The following PTPRO variants were observed in gnomAD, a reference collection of about 807,000 sequenced individuals.
PTPRO encodes the protein receptor-type tyrosine-protein phosphatase O.
In PTPRO, 62 loss-of-function variants were observed where a neutral mutation model predicts 145.2. The ratio of observed to expected loss-of-function variants is 0.43; its 90% CI spans 0.35 to 0.53. The LOEUF (loss-of-function observed/expected upper bound fraction) is 0.53. Ranked by LOEUF, PTPRO falls within the 20% of genes least tolerant of loss-of-function variation. The probability of loss-of-function intolerance (pLI) is 0.01; values close to 1 mark genes in which losing one functional copy is unlikely to be tolerated. For missense variants in PTPRO, 1,345 were observed against 1,482.7 expected, an observed-to-expected ratio of 0.91 and a Z score of 1.53; for synonymous variants, 565 against 514.7, an observed-to-expected ratio of 1.10 and a Z score of -1.32.
At position 15,596,276 on chromosome 12, in the gene PTPRO, G is replaced by A. The variant is rs1944657847; in HGVS notation, c.*203G>A. Reference sequence around the variant, plus strand: ...TGTCCTTTTGGACTCTTTCACTTCGGGACATTTAATAATGGACCAAATTCA... The same window carrying A: ...TGTCCTTTTGGACTCTTTCACTTCGAGACATTTAATAATGGACCAAATTCA... On this transcript the variant is annotated 3_prime_UTR_variant, in exon 27 of 27. Coordinates refer to ENST00000281171, the MANE Select transcript of PTPRO (RefSeq NM_030667.3). 1 of 152,536 alleles carries A rather than the reference G, an allele frequency of 6.6e-6. No individual in the cohort carries two copies. Among genetic ancestry groups the A allele is most frequent in the Non-Finnish European group, 1.5e-5 (1 of 68,032 alleles). The allele number at this position is 152,536 out of a possible 1,614,324, so 9.4% of individuals were successfully genotyped here.
chr12:15,485,992 G>C (rs1262597458), intron 2 of PTPRO, among the ~76,000 whole-genome samples: 1 of 152,036 alleles, frequency 6.6e-6, no homozygotes, highest in East Asian at 1.9e-4. Flanking sequence ...GTCCAAATAT[G>C]GTCTTTCTTG....
At chr12:15,556,437 G>A (rs1387406263) in intron 15 of PTPRO, among the ~76,000 whole-genome samples, 1 of 151,284 alleles carries the variant, frequency 6.6e-6, no homozygotes, top group African/African-American at 2.4e-5. Context: ...CCAATGAGCT[G>A]TTATTCATGC....
intron 12 of PTPRO, among the ~76,000 whole-genome samples, chr12:15,537,924 C>A (rs753153784): frequency 6.6e-6 from 1 of 152,150 alleles, no homozygotes; most frequent in Non-Finnish European, 1.5e-5. Flanking sequence ...GAGTGAAGAT[C>A]ATGATAGCCG....
chr12:15,456,744 T>A (rs1050738349), intron 1 of PTPRO, among the ~76,000 whole-genome samples: 1 of 152,196 alleles, frequency 6.6e-6, no homozygotes, highest in Admixed American at 6.5e-5. Context: ...TCCAATGTAC[T>A]GGTATATAAT....
rs1032505447 is a variant in PTPRO, at chr12:15,462,994, T to TAA, written c.76-20979_76-20978dup. Among the ~76,000 whole-genome samples the TAA allele has an allele frequency of 5.3e-5, 8 of 152,294 alleles. No homozygotes were observed. The South Asian group carries it at 6.2e-4, about 12-fold the overall frequency. On this transcript the variant is annotated intron_variant, in intron 1 of 26. Coordinates refer to ENST00000281171, the MANE Select transcript of PTPRO (RefSeq NM_030667.3). Reference sequence around the variant, plus strand: ...ATCATATTGTTATATACTATATATATAACTCATCATATTATTATAAATTAT... The same window carrying TAA: ...ATCATATTGTTATATACTATATATATAAAACTCATCATATTATTATAAATTAT...
At chr12:15,485,172 A>G (rs895981865) in intron 2 of PTPRO, among the ~76,000 whole-genome samples, 9 of 151,860 alleles carry the variant, frequency 5.9e-5, no homozygotes, top group African/African-American at 2.2e-4. Flanking sequence ...GCAAAAACTC[A>G]GAACCAAGCT....
intron 10 of PTPRO, among the ~76,000 whole-genome samples, chr12:15,521,036 A>C (rs12314771): frequency 0.23 from 35,723 of 152,052 alleles, 4,462 homozygotes; most frequent in Admixed American, 0.33. Context: ...AGCAATGAAA[A>C]GGGGAAATTC....
At chr12:15,410,866 G>C (rs1300118362) in intron 1 of PTPRO, 2 of 152,112 alleles carry the variant, frequency 1.3e-5, no homozygotes, top group Non-Finnish European at 2.9e-5. Flanking sequence ...AACAATAATA[G>C]TTTAAATCTT....
At chr12:15,476,411 T>G (rs182002578) in intron 1 of PTPRO, among the ~76,000 whole-genome samples, 1 of 152,112 alleles carries the variant, frequency 6.6e-6, no homozygotes, top group East Asian at 1.9e-4. Context: ...TTGATGGGGT[T>G]GTTTGTTTTT....
At chr12:15,433,468 C>A (rs544746838) in intron 1 of PTPRO, among the ~76,000 whole-genome samples, 40 of 152,330 alleles carry the variant, frequency 2.6e-4, no homozygotes, top group Non-Finnish European at 4.9e-4. Context: ...CAGGCGACAG[C>A]CACCATGCCC....
At chr12:15,413,100 T>G (rs1356469855) in intron 1 of PTPRO, among the ~76,000 whole-genome samples, 1 of 152,116 alleles carries the variant, frequency 6.6e-6, no homozygotes, top group Non-Finnish European at 1.5e-5. Flanking sequence ...GCCTTGTTTT[T>G]GTTTTTTTGA....
chr12:15,564,463 T>A (rs1461531795), intron 17 of PTPRO, among the ~76,000 whole-genome samples: 1 of 152,210 alleles, frequency 6.6e-6, no homozygotes, highest in Non-Finnish European at 1.5e-5. Flanking sequence ...TCATTAACTA[T>A]GCTCAGCCCT....
chr12:15,526,119 C>T (rs770333213), intron 11 of PTPRO, 23 bp from the exon 12 acceptor site: 5 of 1,613,524 alleles, frequency 3.1e-6, no homozygotes, highest in African/African-American at 1.3e-5. Context: ...AAGTTTAAAC[C>T]CTTGATTTTG....
intron 1 of PTPRO, among the ~76,000 whole-genome samples, chr12:15,360,435 G>T (rs1170582577): frequency 6.6e-6 from 1 of 152,066 alleles, no homozygotes. Flanking sequence ...TAATCATAAT[G>T]AATATCCATG....
chr12:15,420,865 G>C (rs1940124826), intron 1 of PTPRO, among the ~76,000 whole-genome samples: 1 of 152,166 alleles, frequency 6.6e-6, no homozygotes, highest in Admixed American at 6.5e-5. Context: ...TGTAAGAGTT[G>C]AATGAGTTAG....
rs1234379009 is a variant in PTPRO at position 15,433,463 on chromosome 12, G to A, written c.76-50511G>A. ...CTCCCAAAGTGCTGGGATTACAGGC[G>A]ACAGCCACCATGCCCAGCCAGTTTT... On this transcript the variant is annotated intron_variant, in intron 1 of 26. Transcript: ENST00000281171. Among the ~76,000 whole-genome samples the A allele has an allele frequency of 4.6e-5, 7 of 152,272 alleles. No individual in the cohort carries two copies. In the South Asian group the frequency reaches 1.2e-3, roughly 27 times the overall value.
At chr12:15,567,034 C>T (rs950596476) in intron 18 of PTPRO, among the ~76,000 whole-genome samples, 3 of 152,096 alleles carry the variant, frequency 2.0e-5, no homozygotes, top group East Asian at 1.9e-4. Flanking sequence ...CGTCCTTGGA[C>T]GAAAAGGAGA....
At chr12:15,396,208 A>AT (rs1939334945) in intron 1 of PTPRO, among the ~76,000 whole-genome samples, 2 of 152,226 alleles carry the variant, frequency 1.3e-5, no homozygotes, top group South Asian at 4.1e-4. Flanking sequence ...GAATTCATAC[A>AT]GAAATACGTA....
At chr12:15,416,676 A>T (rs1939987471) in intron 1 of PTPRO, among the ~76,000 whole-genome samples, 1 of 150,216 alleles carries the variant, frequency 6.7e-6, no homozygotes, top group South Asian at 2.1e-4. Flanking sequence ...TCTGTTAAGA[A>T]CTGAGCAGTT....
Sources: gnomAD v4.1 joint callset for allele counts (sites outside exome capture counted in the v4.1 genomes callset) on GRCh38, gnomAD v4.1.1 for gene constraint, MANE v1.5 for transcripts, NCBI Gene and HGNC (gene_info 2026-07-23, HGNC 2026-07-21) for gene names.